Variants in KATNAL1 observed in about 807,000 individuals in gnomAD.
KATNAL1 encodes katanin catalytic subunit A1 like 1, also known as katanin p60 ATPase-containing subunit A-like 1.
KATNAL1 carries 32 observed loss-of-function variants against 55.2 expected under a neutral mutation model. That is an observed-to-expected ratio of 0.58 (90% confidence interval 0.44 to 0.78). The LOEUF (loss-of-function observed/expected upper bound fraction) is 0.78. KATNAL1 is among the 30% of genes least tolerant of loss of function. The pLI, the probability that KATNAL1 is intolerant of heterozygous loss-of-function variation, is 0.00. For missense variants in KATNAL1, 466 were observed against 600.9 expected, an observed-to-expected ratio of 0.78 and a Z score of 2.35; for synonymous variants, 193 against 193.6, an observed-to-expected ratio of 1.00 and a Z score of 0.02.
intron 6 of KATNAL1, among the ~76,000 whole-genome samples, chr13:30,235,024 G>C (rs1876513151): frequency 6.6e-6 from 1 of 152,184 alleles, no homozygotes; most frequent in Non-Finnish European, 1.5e-5. Flanking sequence ...CTGGGGCTTT[G>C]AGCCATGTGG....
chr13:30,203,657 A>T lies in KATNAL1; in HGVS notation c.*4883T>A, dbSNP rs1181725445. ...TTTCTCAGAAAATGAGAAAGGTAAAATAAATTTTATGACATTACCTAAATA... is the reference window on the plus strand; with the variant it reads ...TTTCTCAGAAAATGAGAAAGGTAAATTAAATTTTATGACATTACCTAAATA... On this transcript the variant is annotated 3_prime_UTR_variant, in exon 11 of 11. Coordinates refer to ENST00000380615, the MANE Select transcript of KATNAL1 (RefSeq NM_032116.5). 1 of 152,178 alleles carries T rather than the reference A, an allele frequency of 6.6e-6. No homozygotes were observed. The highest frequency in any genetic ancestry group is 1.5e-5 in the Non-Finnish European group (1 of 68,014). The allele number at this position is 152,178 out of a possible 1,614,324, so 9.4% of individuals were successfully genotyped here.
intron 9 of KATNAL1, among the ~76,000 whole-genome samples, chr13:30,222,220 G>A (rs946556425): frequency 9.2e-5 from 14 of 151,990 alleles, no homozygotes; most frequent in Non-Finnish European, 1.2e-4. Flanking sequence ...ACACTGAACC[G>A]CGACACTGCC....
intron 3 of KATNAL1, among the ~76,000 whole-genome samples, chr13:30,262,658 G>C (rs1402220113): frequency 6.6e-6 from 1 of 151,808 alleles, no homozygotes; most frequent in African/African-American, 2.4e-5. Flanking sequence ...ACCCTCCCAA[G>C]ACTAAACCAG....
intron 9 of KATNAL1, among the ~76,000 whole-genome samples, chr13:30,219,627 T>C (rs1874647530): frequency 1.3e-5 from 2 of 152,212 alleles, no homozygotes; most frequent in Non-Finnish European, 1.5e-5. Flanking sequence ...TGAACACTTG[T>C]TGATGAATTA....
At chr13:30,229,948 CTTTTTT>C (rs35961753) in intron 8 of KATNAL1, among the ~76,000 whole-genome samples, 10 of 137,090 alleles carry the variant, frequency 7.3e-5, no homozygotes, top group South Asian at 2.3e-4. Context: ...AGAAGAGGGG[CTTTTTT>C]TTTTTTTTTT....
At chr13:30,245,986 G>A (rs759892601) in intron 4 of KATNAL1, among the ~76,000 whole-genome samples, 2 of 152,090 alleles carry the variant, frequency 1.3e-5, no homozygotes, top group Non-Finnish European at 1.5e-5. Context: ...GTAATTTACA[G>A]ATTCAATGCT....
intron 8 of KATNAL1, among the ~76,000 whole-genome samples, chr13:30,228,030 T>C (rs911690554): frequency 9.9e-5 from 15 of 152,186 alleles, no homozygotes; most frequent in Admixed American, 9.8e-4. Context: ...ACAGGTTATA[T>C]TTCCATGATG....
At chr13:30,234,970 T>C (rs1444420322) in intron 6 of KATNAL1, among the ~76,000 whole-genome samples, 1 of 152,080 alleles carries the variant, frequency 6.6e-6, no homozygotes. Context: ...CTACTCAGGA[T>C]GGGGGATGAC....
intron 3 of KATNAL1, among the ~76,000 whole-genome samples, chr13:30,269,615 T>TAAGAAGTG (rs1880091739): frequency 6.7e-6 from 1 of 148,366 alleles, no homozygotes; most frequent in African/African-American, 2.5e-5. Context: ...CCATCCCATC[T>TAAGAAGTG]AGGAAGTGAG....
chr13:30,302,272 G>A (rs990328535), intron 1 of KATNAL1, among the ~76,000 whole-genome samples: 1 of 152,138 alleles, frequency 6.6e-6, no homozygotes, highest in African/African-American at 2.4e-5. Context: ...ACCACATTAA[G>A]CAAATAACCT....
In KATNAL1 at chr13:30,250,732, A is replaced by G. The variant is rs185807989; in HGVS notation, c.492+4715T>C. Among the ~76,000 whole-genome samples the G allele has an allele frequency of 4.6e-5, 7 of 152,384 alleles. No individual in the cohort carries two copies. The East Asian group carries it at 1.3e-3, about 29-fold the overall frequency. On this transcript the variant is annotated intron_variant, in intron 4 of 10. Coordinates refer to ENST00000380615, the MANE Select transcript of KATNAL1 (RefSeq NM_032116.5). ...CAACTTTAAAATGAATTCAGAGAAT[A>G]TAATTTGCCATACTTTAATCTGAAT...
chr13:30,276,693 T>TGTTAA (rs898331116), intron 3 of KATNAL1, among the ~76,000 whole-genome samples: 5 of 152,190 alleles, frequency 3.3e-5, no homozygotes, highest in African/African-American at 1.2e-4. Flanking sequence ...CTAGTAAGAA[T>TGTTAA]GTTAACAAGT....
chr13:30,285,620 A>G (rs1359284322), intron 1 of KATNAL1, among the ~76,000 whole-genome samples: 3 of 152,218 alleles, frequency 2.0e-5, no homozygotes, highest in Non-Finnish European at 4.4e-5. Flanking sequence ...AGAAAGGACT[A>G]ATACAGTAGA....
intron 8 of KATNAL1, among the ~76,000 whole-genome samples, chr13:30,227,912 A>G (rs17689474): frequency 0.07 from 10,662 of 152,184 alleles, 670 homozygotes; most frequent in East Asian, 0.18. Flanking sequence ...TTTAAATCAT[A>G]AAGTTCCGCA....
intron 3 of KATNAL1, among the ~76,000 whole-genome samples, chr13:30,261,007 T>A (rs1879242255): frequency 6.6e-6 from 1 of 151,870 alleles, no homozygotes; most frequent in Admixed American, 6.6e-5. Context: ...CCCATCAGAC[T>A]AACAGCGGAT....
intron 1 of KATNAL1, chr13:30,296,251 G>A: frequency 2.6e-6 from 3 of 1,161,302 alleles, no homozygotes; most frequent in South Asian, 1.5e-5. Flanking sequence ...ACTACAAAGG[G>A]AAGTACGTGG....
chr13:30,254,491 C>T (rs188083235), intron 4 of KATNAL1, among the ~76,000 whole-genome samples: 1 of 152,178 alleles, frequency 6.6e-6, no homozygotes, highest in African/African-American at 2.4e-5. Context: ...TCAGAAAACA[C>T]CAATTTTATT....
chr13:30,265,477 C>T (rs1879686683), intron 3 of KATNAL1, among the ~76,000 whole-genome samples: 1 of 151,746 alleles, frequency 6.6e-6, no homozygotes, highest in Non-Finnish European at 1.5e-5. Flanking sequence ...ATATATTGAG[C>T]ACCACAGACA....
At chr13:30,265,342 G>A (rs1279983279) in intron 3 of KATNAL1, among the ~76,000 whole-genome samples, 2 of 151,230 alleles carry the variant, frequency 1.3e-5, no homozygotes, top group Non-Finnish European at 1.5e-5. Flanking sequence ...CCTGCACATT[G>A]TGCACATGTA....
Sources: allele counts gnomAD v4.1 joint callset (sites outside exome capture counted in the v4.1 genomes callset), GRCh38; gene constraint gnomAD v4.1.1; transcripts MANE v1.5; gene names NCBI Gene and HGNC (gene_info 2026-07-23, HGNC 2026-07-21).